The following NTNG1 variants were observed in gnomAD, a reference collection of about 807,000 sequenced individuals.
NTNG1 encodes the protein netrin-G1.
NTNG1 carries 16 observed loss-of-function variants against 54.0 expected under a neutral mutation model. The ratio of observed to expected loss-of-function variants is 0.30; its 90% CI spans 0.20 to 0.45. The LOEUF is 0.45. NTNG1 is among the 20% of genes least tolerant of loss of function. The probability of loss-of-function intolerance (pLI) is 1.00; values close to 1 mark genes in which losing one functional copy is unlikely to be tolerated. For synonymous variants in NTNG1, 255 were observed against 263.1 expected (o/e 0.97, Z 0.30); for missense variants, 530 against 678.7 (o/e 0.78, Z 2.43).
At chr1:107,358,139 A>G (rs1374733303) in intron 3 of NTNG1, among the ~76,000 whole-genome samples, 2 of 152,180 alleles carry the variant, frequency 1.3e-5, no homozygotes, top group African/African-American at 4.8e-5. Flanking sequence ...ATATATAACA[A>G]TATGCACAAC....
chr1:107,194,313 C>T (rs1414154582), intron 2 of NTNG1, among the ~76,000 whole-genome samples: 2 of 152,122 alleles, frequency 1.3e-5, no homozygotes, highest in African/African-American at 2.4e-5. Context: ...AAATCACTTC[C>T]CTATGGCATT....
At chr1:107,154,078 T>A (rs1208683012) in intron 2 of NTNG1, among the ~76,000 whole-genome samples, 1 of 152,256 alleles carries the variant, frequency 6.6e-6, no homozygotes, top group Non-Finnish European at 1.5e-5. Context: ...AGATAACTAA[T>A]GTCGAATAAT....
chr1:107,312,771 A>G lies in NTNG1; in HGVS notation c.247-11511A>G, dbSNP rs538922973. On this transcript the variant is annotated intron_variant, in intron 2 of 7. Transcript: ENST00000370068. ...TAATCTTTACATACCACTGCAATGC[A>G]TAGTAATATACTACTGCTTGGTAGA... 6.6e-5 allele frequency among the ~76,000 whole-genome samples: 10 copies of G among 152,304 alleles called. No homozygotes were observed. The East Asian group carries it at 1.2e-3, about 18-fold the overall frequency.
intron 2 of NTNG1, among the ~76,000 whole-genome samples, chr1:107,194,369 C>T (rs1658173223): frequency 6.6e-6 from 1 of 152,024 alleles, no homozygotes; most frequent in Non-Finnish European, 1.5e-5. Flanking sequence ...TAGTTAATTA[C>T]ATCTTAAATC....
chr1:107,454,929 C>T (rs574938433), intron 7 of NTNG1, among the ~76,000 whole-genome samples: 93 of 152,328 alleles, frequency 6.1e-4, no homozygotes, highest in Admixed American at 3.5e-3. Flanking sequence ...CTCTCCACCC[C>T]ACACCAACAT....
intron 2 of NTNG1, among the ~76,000 whole-genome samples, chr1:107,259,023 C>T (rs1445459951): frequency 6.6e-6 from 1 of 152,084 alleles, no homozygotes; most frequent in East Asian, 1.9e-4. Flanking sequence ...AATTAATCAG[C>T]TCTCTAATGG....
intron 2 of NTNG1, among the ~76,000 whole-genome samples, chr1:107,300,135 T>A (rs1027412502): frequency 6.6e-6 from 1 of 152,114 alleles, no homozygotes; most frequent in Non-Finnish European, 1.5e-5. Context: ...TAAAGCCCCA[T>A]CATCTTTGAT....
At chr1:107,163,699 A>G (rs2101063018) in intron 2 of NTNG1, among the ~76,000 whole-genome samples, 1 of 152,350 alleles carries the variant, frequency 6.6e-6, no homozygotes, top group South Asian at 2.1e-4. Flanking sequence ...TGACATTTGC[A>G]CTGAGATTAT....
rs995991312 is a variant in NTNG1 at position 107,242,470 on chromosome 1, A to G, written c.247-81812A>G. 2.0e-5 allele frequency among the ~76,000 whole-genome samples: 3 copies of G among 152,224 alleles called. No individual in the cohort carries two copies. The East Asian group carries it at 5.8e-4, about 29-fold the overall frequency. On this transcript the variant is annotated intron_variant, in intron 2 of 7. Transcript: ENST00000370068. ...TGGTAAGAGAAAGTCTTCCAACCAC[A>G]TAGTTGTATTAAATAGTATAACAAT...
intron 3 of NTNG1, among the ~76,000 whole-genome samples, chr1:107,363,494 C>G (rs1248222722): frequency 6.6e-6 from 1 of 152,160 alleles, no homozygotes; most frequent in Non-Finnish European, 1.5e-5. Flanking sequence ...CTTATCTGAA[C>G]CATAGTTTGC....
intron 3 of NTNG1, among the ~76,000 whole-genome samples, chr1:107,374,034 G>T (rs1428569841): frequency 1.3e-5 from 2 of 152,038 alleles, no homozygotes; most frequent in African/African-American, 2.4e-5. Flanking sequence ...ATTTTACTGG[G>T]TAGAGAGTCC....
intron 3 of NTNG1, among the ~76,000 whole-genome samples, chr1:107,358,031 G>A (rs935071183): frequency 1.3e-5 from 2 of 151,986 alleles, no homozygotes; most frequent in Non-Finnish European, 2.9e-5. Context: ...CATTCCATTC[G>A]AATACATGGT....
At chr1:107,177,286 A>C (rs1656712745) in intron 2 of NTNG1, among the ~76,000 whole-genome samples, 1 of 152,106 alleles carries the variant, frequency 6.6e-6, no homozygotes, top group Admixed American at 6.6e-5. Flanking sequence ...AGAGCTATGA[A>C]AAGCAAGTCA....
chr1:107,360,875 A>G (rs938868024), intron 3 of NTNG1, among the ~76,000 whole-genome samples: 1 of 152,070 alleles, frequency 6.6e-6, no homozygotes, highest in African/African-American at 2.4e-5. Flanking sequence ...CCTCCAGAAT[A>G]CATGTTACAT....
At chr1:107,368,709 A>T (rs1017339506) in intron 3 of NTNG1, among the ~76,000 whole-genome samples, 6 of 152,340 alleles carry the variant, frequency 3.9e-5, no homozygotes, top group African/African-American at 1.4e-4. Flanking sequence ...ACAGATAAAG[A>T]AACTGAGTCT....
intron 2 of NTNG1, among the ~76,000 whole-genome samples, chr1:107,312,519 C>T (rs979199296): frequency 2.0e-5 from 3 of 152,102 alleles, no homozygotes; most frequent in African/African-American, 7.2e-5. Context: ...TACACTGTAG[C>T]TAAGTGGTAG....
intron 3 of NTNG1, among the ~76,000 whole-genome samples, chr1:107,357,326 G>T (rs1328131056): frequency 1.3e-5 from 2 of 152,180 alleles, no homozygotes; most frequent in African/African-American, 4.8e-5. Flanking sequence ...GGCCAGAAAA[G>T]ATGAGCAGGC....
chr1:107,346,411 C>CAGATA (rs780014152), intron 3 of NTNG1, among the ~76,000 whole-genome samples: 34 of 152,254 alleles, frequency 2.2e-4, no homozygotes, highest in Non-Finnish European at 4.9e-4. Context: ...GGGAACTTAC[C>CAGATA]AGATAACTGG....
intron 2 of NTNG1, among the ~76,000 whole-genome samples, chr1:107,196,653 A>G (rs973086960): frequency 6.6e-6 from 1 of 152,010 alleles, no homozygotes; most frequent in Non-Finnish European, 1.5e-5. Context: ...CATAACACCC[A>G]GGCAAGAACT....
Sources: allele counts gnomAD v4.1 joint callset (sites outside exome capture counted in the v4.1 genomes callset), GRCh38; gene constraint gnomAD v4.1.1; transcripts MANE v1.5; gene names NCBI Gene and HGNC (gene_info 2026-07-23, HGNC 2026-07-21).